The following PPP4R2 variants were observed in gnomAD, a reference collection of about 807,000 sequenced individuals.
The protein encoded by PPP4R2 is protein phosphatase 4 regulatory subunit 2.
In PPP4R2, 13 loss-of-function variants were observed where a neutral mutation model predicts 47.2. The ratio of observed to expected loss-of-function variants is 0.28; its 90% CI spans 0.18 to 0.44. PPP4R2 has a LOEUF of 0.44. Among genes scored for constraint, PPP4R2 ranks in the 20% least tolerant of loss-of-function variants. PPP4R2 has a pLI of 1.00. For synonymous variants in PPP4R2, 151 were observed against 163.3 expected, an observed-to-expected ratio of 0.92 and a Z score of 0.57; for missense variants, 421 against 491.2, an observed-to-expected ratio of 0.86 and a Z score of 1.35.
chr3:73,018,350 C>G (rs928037017), intron 2 of PPP4R2, among the ~76,000 whole-genome samples: 1 of 143,164 alleles, frequency 7.0e-6, no homozygotes, highest in Non-Finnish European at 1.6e-5. Context: ...TTGGTATACA[C>G]AGGAGTCTTG....
chr3:73,058,894 C>G, intron 3 of PPP4R2, 143 bp from the exon 4 acceptor site: 2 of 346,908 alleles, frequency 5.8e-6, no homozygotes, highest in South Asian at 8.2e-5. Flanking sequence ...AATGACTCAT[C>G]CATTTATTTC....
intron 3 of PPP4R2, among the ~76,000 whole-genome samples, chr3:73,048,505 C>G (rs1430896947): frequency 1.3e-5 from 2 of 152,216 alleles, no homozygotes; most frequent in African/African-American, 2.4e-5. Flanking sequence ...CCGCCCACCT[C>G]AGCCTCCCAC....
intron 2 of PPP4R2, among the ~76,000 whole-genome samples, chr3:73,036,665 G>A (rs141699461): frequency 0.013 from 2,020 of 152,208 alleles, 26 homozygotes; most frequent in Non-Finnish European, 0.02. Flanking sequence ...CTTGTGATAG[G>A]TACTTTGCTT....
At chr3:73,061,121 C>A in intron 5 of PPP4R2, 61 bp downstream of exon 5, 1 of 736,382 alleles carries the variant, frequency 1.4e-6, no homozygotes, top group Non-Finnish European at 2.1e-6. Flanking sequence ...TTTATTGCTT[C>A]TAATATATTA....
intron 2 of PPP4R2, among the ~76,000 whole-genome samples, chr3:73,007,874 G>A (rs1449191748): frequency 1.3e-5 from 2 of 152,160 alleles, no homozygotes; most frequent in African/African-American, 4.8e-5. Flanking sequence ...TTTCTAAAAT[G>A]TCAGCCAAAT....
intron 2 of PPP4R2, among the ~76,000 whole-genome samples, chr3:73,040,352 G>A (rs1019398785): frequency 3.3e-5 from 5 of 152,240 alleles, no homozygotes; most frequent in South Asian, 2.1e-4. Context: ...AAGTCTTGAC[G>A]TATGTACTTC....
At chr3:73,002,416 C>G (rs1380096403) in intron 2 of PPP4R2, among the ~76,000 whole-genome samples, 1 of 151,958 alleles carries the variant, frequency 6.6e-6, no homozygotes, top group East Asian at 1.9e-4. Flanking sequence ...GCCACGATGC[C>G]TGGCTAATTT....
chr3:73,027,131 C>CT (rs1491386720), intron 2 of PPP4R2, among the ~76,000 whole-genome samples: 3 of 152,004 alleles, frequency 2.0e-5, no homozygotes, highest in Non-Finnish European at 1.5e-5. Flanking sequence ...ATCTATTCCC[C>CT]TGTTTTTTTG....
chr3:73,053,705 G>A (rs1702667285), intron 3 of PPP4R2, among the ~76,000 whole-genome samples: 1 of 151,770 alleles, frequency 6.6e-6, no homozygotes, highest in African/African-American at 2.4e-5. Context: ...GTCAGGAGAT[G>A]GAGACCATCC....
chr3:73,009,691 G>A (rs1701683807), intron 2 of PPP4R2, among the ~76,000 whole-genome samples: 1 of 152,116 alleles, frequency 6.6e-6, no homozygotes, highest in African/African-American at 2.4e-5. Context: ...TAGACTAAAG[G>A]TCTTTTCCCT....
At chr3:73,057,643 G>A (rs1012369038) in intron 3 of PPP4R2, among the ~76,000 whole-genome samples, 1 of 152,100 alleles carries the variant, frequency 6.6e-6, no homozygotes, top group East Asian at 1.9e-4. Flanking sequence ...TGCACTTTAA[G>A]CACTTTCAGA....
At chr3:72,997,834 C>T (rs964989482) in intron 1 of PPP4R2, among the ~76,000 whole-genome samples, 1 of 152,138 alleles carries the variant, frequency 6.6e-6, no homozygotes, top group Non-Finnish European at 1.5e-5. Context: ...CTTCGAGAAG[C>T]ACTGCGTTAA....
chr3:73,046,605 A>G (rs536168021), intron 2 of PPP4R2, among the ~76,000 whole-genome samples: 59 of 152,324 alleles, frequency 3.9e-4, no homozygotes, highest in African/African-American at 1.4e-3. Flanking sequence ...TTATTGTGCA[A>G]GTACTGGTTG....
intron 2 of PPP4R2, among the ~76,000 whole-genome samples, chr3:73,013,497 ATC>A (rs1177661340): frequency 1.3e-5 from 2 of 152,252 alleles, no homozygotes; most frequent in East Asian, 1.9e-4. Flanking sequence ...AAGAAAAAAA[ATC>A]AAACTATACT....
chr3:73,051,701 T>C (rs1702616081), intron 3 of PPP4R2, among the ~76,000 whole-genome samples: 1 of 152,094 alleles, frequency 6.6e-6, no homozygotes, highest in African/African-American at 2.4e-5. Context: ...TCTCAGCTCA[T>C]TGCAACCTCC....
At chr3:73,034,247 C>T (rs1182801756) in intron 2 of PPP4R2, among the ~76,000 whole-genome samples, 2 of 152,120 alleles carry the variant, frequency 1.3e-5, no homozygotes, top group East Asian at 3.9e-4. Context: ...TTAAACAATG[C>T]ACCTTTAAAA....
chr3:73,049,432 G>C (rs1702564454), intron 3 of PPP4R2, among the ~76,000 whole-genome samples: 1 of 151,804 alleles, frequency 6.6e-6, no homozygotes, highest in Admixed American at 6.6e-5. Flanking sequence ...CCAGGAGGCA[G>C]AGCCTGCAGT....
chr3:73,043,102 T>TAGTG (rs35976087), intron 2 of PPP4R2, among the ~76,000 whole-genome samples: 79,826 of 151,510 alleles, frequency 0.53, 21,350 homozygotes, highest in African/African-American at 0.62. Flanking sequence ...CGCTATGAAT[T>TAGTG]GGTGATTATT....
rs370489855 is a variant in PPP4R2, at chr3:73,009,528, A to G, written c.116+11370A>G. ...TGTCTGCCAGTGAATGTATGGAATC[A>G]TAATGTTTATGGACTATTACTGTAT... On this transcript the variant is annotated intron_variant, in intron 2 of 8. Transcript: ENST00000356692. Among the ~76,000 whole-genome samples the G allele has an allele frequency of 3.9e-5, 6 of 152,344 alleles. No homozygotes were observed. In the East Asian group the frequency reaches 7.7e-4, roughly 20 times the overall value.
Sources: allele counts gnomAD v4.1 joint callset (sites outside exome capture counted in the v4.1 genomes callset), GRCh38; gene constraint gnomAD v4.1.1; transcripts MANE v1.5; gene names NCBI Gene and HGNC (gene_info 2026-07-23, HGNC 2026-07-21).